The following CUBN variants were observed in gnomAD, a reference collection of about 807,000 sequenced individuals.
CUBN encodes 460 kDa receptor.
In CUBN, 282 loss-of-function variants were observed where a neutral mutation model predicts 405.3. The observed-to-expected ratio is 0.70, with a 90% confidence interval of 0.63 to 0.77. The LOEUF is 0.77. Among genes scored for constraint, CUBN ranks in the 30% least tolerant of loss-of-function variants. CUBN has a pLI of 0.00. For missense variants in CUBN, 4,514 were observed against 4,475.2 expected, an observed-to-expected ratio of 1.01 and a Z score of -0.25; for synonymous variants, 1,684 against 1,617.0, an observed-to-expected ratio of 1.04 and a Z score of -0.99.
intron 28 of CUBN, among the ~76,000 whole-genome samples, chr10:16,992,688 T>C (rs1833628424): frequency 6.6e-6 from 1 of 152,204 alleles, no homozygotes; most frequent in Non-Finnish European, 1.5e-5. Context: ...AGCACTACTA[T>C]CTTCTTGACT....
chr10:17,106,778 T>A (rs1218673889), intron 10 of CUBN, among the ~76,000 whole-genome samples: 1 of 152,040 alleles, frequency 6.6e-6, no homozygotes, highest in African/African-American at 2.4e-5. Context: ...TGTACAGGAG[T>A]GTGGCTTACA....
At chr10:16,839,286 A>C (rs1839268621) in intron 62 of CUBN, among the ~76,000 whole-genome samples, 1 of 152,182 alleles carries the variant, frequency 6.6e-6, no homozygotes, top group Non-Finnish European at 1.5e-5. Flanking sequence ...ACCAAGTTCA[A>C]GTTTCTCGAC....
chr10:16,925,393 G>T lies in CUBN; in HGVS notation c.6494C>A (p.Pro2165His), dbSNP rs760999226. ...ACCATTTCCTCCAGGGGGTCCCAAG[G>T]GTGGAGAACAGATATCAGGACCATT... is the stretch of plus-strand genomic sequence containing the variant. Reference protein sequence around the residue: ...LRNGPDICSPPLGPPGGNGHF... With the variant: ...LRNGPDICSPHLGPPGGNGHF... The change falls in exon 43 of 67, where the codon CCC becomes CAC. Residue 2165 changes from proline to histidine, a missense_variant. By Grantham distance (77) the Pro-to-His change is moderately conservative. Transcript: ENST00000377833. 23 of 1,613,802 alleles carry T rather than the reference G, an allele frequency of 1.4e-5. No homozygotes were observed. The highest frequency in any genetic ancestry group is 1.6e-4 in the Middle Eastern group (1 of 6,080).
chr10:17,013,330 C>T (rs1262874279), intron 28 of CUBN, among the ~76,000 whole-genome samples: 4 of 151,756 alleles, frequency 2.6e-5, no homozygotes, highest in Admixed American at 2.6e-4. Flanking sequence ...CTCTTCTTCT[C>T]TCTCACTCTC....
At position 16,984,140 on chromosome 10, in the gene CUBN, CTCCCATTT is replaced by C. The variant is rs757629970; in HGVS notation, c.4482_4489del (p.Ile1494MetfsTer35). 1 of 1,614,160 alleles carries C rather than the reference CTCCCATTT, an allele frequency of 6.2e-7. No homozygotes were observed. The highest frequency in any genetic ancestry group is 1.1e-5 in the South Asian group (1 of 91,078). On this transcript the variant is annotated frameshift_variant, in exon 30 of 67. Coordinates refer to ENST00000377833, the MANE Select transcript of CUBN (RefSeq NM_001081.4). LOFTEE classifies it high-confidence loss of function. ...TGCTTGCCATGACGCATTGAAGCCT[CTCCCATTT>C]ATGGACAAGTCGGTCTTGAATCGAA...
Position 16,836,235 on chromosome 10 carries a change from C to G in CUBN, c.10180G>C (p.Asp3394His). The G allele has an allele frequency of 6.2e-7, 1 of 1,613,624 alleles. No individual in the cohort carries two copies. Residue 3394 changes from aspartate to histidine, a missense_variant and splice_region_variant, in exon 63 of 67, where the codon GAT becomes CAT. This residue lies in a region of CUBN where 1,186 missense variants were observed against 1,186.9 expected (regional missense o/e 1.00). Coordinates refer to ENST00000377833, the MANE Select transcript of CUBN (RefSeq NM_001081.4). ...SRMSFTYQIADCNRDYHKAFG... is the reference protein window; with the variant it reads ...SRMSFTYQIAHCNRDYHKAFG... ...TAAAAGATGAAGTTCCTGGCCTCAC[C>G]TGCAATCTGATAGGTGAAACTCATT...
rs192141712 is a variant in CUBN, at chr10:16,983,269, T to G, written c.4526-616A>C. 3.3e-5 allele frequency among the ~76,000 whole-genome samples: 5 copies of G among 152,308 alleles called. No individual in the cohort carries two copies. In the East Asian group the frequency reaches 9.6e-4, roughly 29 times the overall value. On this transcript the variant is annotated intron_variant, in intron 30 of 66. Transcript: ENST00000377833. ...GGGTAATCTAAACACTAAATGTGTG[T>G]GTCTGTGTGTGTGTGTGTGTTTATT...
chr10:17,045,959 T>G lies in CUBN; in HGVS notation c.3465A>C (p.Ser1155=), dbSNP rs1020781221. The G allele has an allele frequency of 1.5e-5, 24 of 1,613,980 alleles. No homozygotes were observed. Among genetic ancestry groups the G allele is most frequent in the Non-Finnish European group, 2.0e-5 (24 of 1,179,940 alleles). Residue 1155 remains serine (S), a synonymous_variant, in exon 24 of 67, where the codon TCA becomes TCC. Transcript: ENST00000377833. The stretch of plus-strand genomic sequence containing the variant: ...CTGTTGATGACCCATCCCAGTAAGC[T>G]GAGAATCCAGACCTTGTGTCTATTT... ...SDQIDTRSGF[S]AYWDGSSTGC...
intron 27 of CUBN, among the ~76,000 whole-genome samples, chr10:17,039,397 T>C (rs1834968595): frequency 6.6e-6 from 1 of 152,186 alleles, no homozygotes; most frequent in South Asian, 2.1e-4. Flanking sequence ...TCCTGTAATG[T>C]CCCACCTGTA....
chr10:16,909,560 A>G (rs1841662664), intron 48 of CUBN, among the ~76,000 whole-genome samples: 1 of 152,210 alleles, frequency 6.6e-6, no homozygotes, highest in East Asian at 1.9e-4. Context: ...GATGGAATCA[A>G]AAGGGATTAG....
At chr10:16,934,467 A>AT (rs1269208051) in intron 39 of CUBN, among the ~76,000 whole-genome samples, 2 of 152,308 alleles carry the variant, frequency 1.3e-5, no homozygotes, top group African/African-American at 2.4e-5. Flanking sequence ...TAGGCTACAG[A>AT]TTTTTTTAAA....
chr10:16,920,241 T>C (rs1022639201), intron 43 of CUBN, 104 bp from the exon 44 acceptor site: 19 of 1,158,012 alleles, frequency 1.6e-5, no homozygotes, highest in Non-Finnish European at 2.4e-5. Context: ...TTTGTCTCCA[T>C]TTCCTTTCAT....
chr10:16,865,591 C>G (rs1840158823), intron 59 of CUBN, among the ~76,000 whole-genome samples: 1 of 152,106 alleles, frequency 6.6e-6, no homozygotes, highest in Admixed American at 6.5e-5. Context: ...ATGCACCAAT[C>G]AGCGCTCTGT....
At chr10:17,012,837 T>C (rs1339938635) in intron 28 of CUBN, among the ~76,000 whole-genome samples, 4 of 152,232 alleles carry the variant, frequency 2.6e-5, no homozygotes, top group African/African-American at 4.8e-5. Flanking sequence ...TGAATACCCA[T>C]TGTGTCTTTT....
rs1564482122 is a variant in CUBN, at chr10:17,020,021, TG to T, written c.4018-39del. Reference sequence around the variant, plus strand: ...AGAAACTTTCCCATATAAAAACACATGGTTTGTGGGATGGAAAAATCCAAGT... The same window carrying T: ...AGAAACTTTCCCATATAAAAACACATGTTTGTGGGATGGAAAAATCCAAGT... On this transcript the variant is annotated intron_variant, in intron 27 of 66. Transcript: ENST00000377833. 3 of 1,612,014 alleles carry T rather than the reference TG, an allele frequency of 1.9e-6. No individual in the cohort carries two copies. The Admixed American group carries it at 5.0e-5, about 27-fold the overall frequency.
chr10:16,964,725 C>T (rs1242494231), intron 31 of CUBN, among the ~76,000 whole-genome samples: 1 of 152,162 alleles, frequency 6.6e-6, no homozygotes, highest in Non-Finnish European at 1.5e-5. Context: ...ACTGCAGCAC[C>T]CAAGCCAGAT....
chr10:16,960,737 T>A (rs1275840456), intron 31 of CUBN, among the ~76,000 whole-genome samples: 1 of 152,036 alleles, frequency 6.6e-6, no homozygotes, highest in African/African-American at 2.4e-5. Flanking sequence ...AAACACATAG[T>A]AGACACAATT....
At chr10:16,858,193 TTGGAAAAC>T (rs1252066447) in intron 59 of CUBN, among the ~76,000 whole-genome samples, 1 of 152,222 alleles carries the variant, frequency 6.6e-6, no homozygotes. Flanking sequence ...TGTTCATGGA[TTGGAAAAC>T]TCAACATAGT....
intron 59 of CUBN, among the ~76,000 whole-genome samples, chr10:16,865,210 T>C (rs1840142908): frequency 6.6e-6 from 1 of 151,948 alleles, no homozygotes; most frequent in African/African-American, 2.4e-5. Flanking sequence ...CCTCAAGTGA[T>C]CTGCCTGCCT....
Sources: allele counts gnomAD v4.1 joint callset (sites outside exome capture counted in the v4.1 genomes callset), GRCh38; gene constraint gnomAD v4.1.1; regional missense constraint gnomAD v4.1.1; transcripts MANE v1.5; gene names NCBI Gene and HGNC (gene_info 2026-07-23, HGNC 2026-07-21).